BACE2: variants seen among roughly 807,000 people sequenced by gnomAD.
BACE2 encodes 56 kDa aspartic-like protease.
In BACE2, 17 loss-of-function variants were observed where a neutral mutation model predicts 46.2. The ratio of observed to expected loss-of-function variants is 0.37; its 90% CI spans 0.25 to 0.55. The LOEUF (loss-of-function observed/expected upper bound fraction) is 0.55, where lower values mean the gene tolerates loss of function less well. Ranked by LOEUF, BACE2 falls within the 20% of genes least tolerant of loss-of-function variation. The probability of loss-of-function intolerance (pLI) is 0.82; values close to 1 mark genes in which losing one functional copy is unlikely to be tolerated. For missense variants in BACE2, 595 were observed against 698.1 expected, an observed-to-expected ratio of 0.85 and a Z score of 1.66; for synonymous variants, 277 against 295.9, an observed-to-expected ratio of 0.94 and a Z score of 0.66.
chr21:41,229,627 TCAACCGTAGA>T lies in BACE2; in HGVS notation c.401+3279_401+3288del, dbSNP rs1309017154. 2.0e-5 allele frequency among the ~76,000 whole-genome samples: 3 copies of T among 150,070 alleles called. No individual in the cohort carries two copies. The East Asian group carries it at 5.8e-4, about 29-fold the overall frequency. On this transcript the variant is annotated intron_variant, in intron 2 of 8. Transcript: ENST00000330333. ...TATCAAGACTATGTGCAATATTTCATCAACCGTAGACAACCCACCGCATCTTTCTCAGCTC... is the reference window on the plus strand; with the variant it reads ...TATCAAGACTATGTGCAATATTTCATCAACCCACCGCATCTTTCTCAGCTC...
chr21:41,236,022 G>A (rs1215919478), intron 2 of BACE2, among the ~76,000 whole-genome samples: 1 of 152,200 alleles, frequency 6.6e-6, no homozygotes, highest in Non-Finnish European at 1.5e-5. Context: ...CAAGCCTGCA[G>A]GTGAGCAGGA....
intron 1 of BACE2, among the ~76,000 whole-genome samples, chr21:41,199,545 G>A (rs558928152): frequency 8.7e-4 from 133 of 152,286 alleles, no homozygotes; most frequent in African/African-American, 3.1e-3. Context: ...AAGGAGTAGG[G>A]CATTTTCCTG....
chr21:41,272,964 G>A (rs1045091090), intron 8 of BACE2, among the ~76,000 whole-genome samples: 9 of 152,170 alleles, frequency 5.9e-5, no homozygotes, highest in African/African-American at 2.2e-4. Context: ...CAGCCGGTCT[G>A]AGAAATAAAG....
chr21:41,237,011 G>A (rs1987141795), intron 2 of BACE2, among the ~76,000 whole-genome samples: 2 of 152,196 alleles, frequency 1.3e-5, no homozygotes, highest in South Asian at 4.1e-4. Context: ...GTTTTTGGGG[G>A]AAGCTGTCAC....
chr21:41,180,152 A>AG, intron 1 of BACE2: 1 of 181,582 alleles, frequency 5.5e-6, no homozygotes, highest in Non-Finnish European at 1.3e-5. Flanking sequence ...TTATGCAGAC[A>AG]TTTCCAGGGT....
rs2123516805 is a variant in BACE2 at position 41,193,427 on chromosome 21, TC to T, written c.312+24854del. Among the ~76,000 whole-genome samples the T allele has an allele frequency of 6.6e-6, 1 of 152,364 alleles. No homozygotes were observed. Among genetic ancestry groups the T allele is most frequent in the East Asian group, 1.9e-4 (1 of 5,190 alleles). On this transcript the variant is annotated intron_variant, in intron 1 of 8. Transcript: ENST00000330333. The surrounding 1 kb of genome is among the most constrained non-coding windows in gnomAD (Gnocchi z 4.2). ...AGTAACCCACTGTCATTCTCCAAGA[TC>T]CGTCTGTCTTCTGCACAGGCCAGAT... is the stretch of plus-strand genomic sequence containing the variant.
intron 1 of BACE2, among the ~76,000 whole-genome samples, chr21:41,207,206 A>G (rs1261296818): frequency 1.3e-5 from 2 of 152,210 alleles, no homozygotes; most frequent in Non-Finnish European, 2.9e-5. Context: ...GAAATGCATA[A>G]TGGGTTCTTA....
chr21:41,242,146 G>A lies in BACE2; in HGVS notation c.747+199G>A, dbSNP rs75565294. Among the ~76,000 whole-genome samples the A allele has an allele frequency of 8.3e-3, 1,268 of 152,102 alleles. 22 individuals carry two copies. The highest frequency in any genetic ancestry group is 0.029 in the African/African-American group (1,185 of 41,474). On this transcript the variant is annotated intron_variant, in intron 4 of 8. Transcript: ENST00000330333. ...CTTTATGTCATCCTGCCATCTGGAA[G>A]GATGATTCTCATCGCTTCTCCGAAT... is the stretch of plus-strand genomic sequence containing the variant.
At chr21:41,203,980 T>C (rs1258294580) in intron 1 of BACE2, among the ~76,000 whole-genome samples, 1 of 152,108 alleles carries the variant, frequency 6.6e-6, no homozygotes, top group African/African-American at 2.4e-5. Context: ...GTGAGCTCAC[T>C]CAGCTATTTC....
intron 1 of BACE2, 146 bp downstream of exon 1, chr21:41,168,721 T>G (rs2123478144): frequency 1.7e-3 from 488 of 284,024 alleles, no homozygotes; most frequent in Middle Eastern, 7.7e-3. Context: ...GGGGCTCGGG[T>G]GGGCCGGGGA....
At chr21:41,218,690 G>T (rs567162975) in intron 1 of BACE2, among the ~76,000 whole-genome samples, 1 of 152,118 alleles carries the variant, frequency 6.6e-6, no homozygotes, top group Non-Finnish European at 1.5e-5. Flanking sequence ...TTAATGGAAG[G>T]AAATTCTGAC....
intron 1 of BACE2, among the ~76,000 whole-genome samples, chr21:41,221,758 GA>G (rs1986658777): frequency 6.6e-6 from 1 of 151,260 alleles, no homozygotes; most frequent in Non-Finnish European, 1.5e-5. Context: ...AGCCCAGGAG[GA>G]GGAGCTTGCA....
chr21:41,230,072 G>A (rs1257862533), intron 2 of BACE2: 2 of 152,196 alleles, frequency 1.3e-5, no homozygotes, highest in Non-Finnish European at 2.9e-5. Context: ...TGCGAGTACT[G>A]CAGAGACTGA....
chr21:41,220,748 A>G (rs1263403700), intron 1 of BACE2, among the ~76,000 whole-genome samples: 1 of 151,188 alleles, frequency 6.6e-6, no homozygotes, highest in Non-Finnish European at 1.5e-5. Flanking sequence ...GTGAGATTAC[A>G]TTCTATCTGA....
At chr21:41,261,801 A>G (rs1568891798) in intron 8 of BACE2, among the ~76,000 whole-genome samples, 1 of 151,932 alleles carries the variant, frequency 6.6e-6, no homozygotes. Context: ...GATTTTTCCA[A>G]TTTTTTTATT....
At chr21:41,223,229 G>A (rs776446152) in intron 1 of BACE2, among the ~76,000 whole-genome samples, 22 of 152,018 alleles carry the variant, frequency 1.4e-4, no homozygotes, top group Non-Finnish European at 1.0e-4. Flanking sequence ...GGTGGTGCAC[G>A]CCTGTGGTCC....
chr21:41,198,888 A>ATTG (rs530458143), intron 1 of BACE2, among the ~76,000 whole-genome samples: 4,691 of 131,664 alleles, frequency 0.036, 265 homozygotes, highest in African/African-American at 0.13. Flanking sequence ...TTTATTTATT[A>ATTG]TACTTTAAGT....
At chr21:41,179,900 AG>A in intron 1 of BACE2, 1 of 377,258 alleles carries the variant, frequency 2.7e-6, no homozygotes, top group South Asian at 2.1e-5. Context: ...AGGACAGGCG[AG>A]CCCTAAGATT....
At position 41,224,023 on chromosome 21, in the gene BACE2, A is replaced by G. The variant is rs187582549; in HGVS notation, c.313-2243A>G. On this transcript the variant is annotated intron_variant, in intron 1 of 8. Transcript: ENST00000330333. ...TGAGGAGTCAGAGAAGGAGGAAATCAGGAAAGTGTGGGGCCCCGGGATCCA... is the reference window on the plus strand; with the variant it reads ...TGAGGAGTCAGAGAAGGAGGAAATCGGGAAAGTGTGGGGCCCCGGGATCCA... Among the ~76,000 whole-genome samples, 1,296 of 152,228 alleles carry G rather than the reference A, an allele frequency of 8.5e-3. 6 individuals are homozygous for G. Among genetic ancestry groups the G allele is most frequent in the Non-Finnish European group, 0.011 (736 of 68,010 alleles).
Sources: gnomAD v4.1 joint callset for allele counts (sites outside exome capture counted in the v4.1 genomes callset) on GRCh38, gnomAD v4.1.1 for gene constraint, Gnocchi (gnomAD v3.1) non-coding constraint, MANE v1.5 for transcripts, NCBI Gene and HGNC (gene_info 2026-07-23, HGNC 2026-07-21) for gene names.